The following DPF3 variants were observed in gnomAD, a reference collection of about 807,000 sequenced individuals.
DPF3 encodes double PHD fingers 3, also known as zinc finger protein DPF3.
DPF3 carries 18 observed loss-of-function variants against 56.8 expected under a neutral mutation model. The ratio of observed to expected loss-of-function variants is 0.32; its 90% CI spans 0.22 to 0.47. DPF3 has a LOEUF of 0.47. DPF3 is among the 20% of genes least tolerant of loss of function. DPF3 has a pLI of 1.00. For synonymous variants in DPF3, 188 were observed against 180.2 expected, an observed-to-expected ratio of 1.04 and a Z score of -0.35; for missense variants, 403 against 488.8, an observed-to-expected ratio of 0.82 and a Z score of 1.65.
intron 1 of DPF3, among the ~76,000 whole-genome samples, chr14:72,789,183 A>C (rs1055538450): frequency 2.6e-5 from 4 of 152,244 alleles, no homozygotes; most frequent in African/African-American, 9.6e-5. Context: ...CCTGAGCAAC[A>C]GTAACAACAT....
chr14:72,884,971 T>TATATATATATATATATACATATA (rs10523148), intron 1 of DPF3, among the ~76,000 whole-genome samples: 1 of 111,680 alleles, frequency 9.0e-6, no homozygotes, highest in Admixed American at 9.8e-5. Flanking sequence ...TATATATATA[T>TATATATATATATATATACATATA]TAGCCGGGCG....
intron 1 of DPF3, among the ~76,000 whole-genome samples, chr14:72,863,869 G>C (rs141398944): frequency 5.9e-5 from 9 of 152,256 alleles, no homozygotes; most frequent in African/African-American, 2.2e-4. Flanking sequence ...AAGAAGTCTC[G>C]GGCCTTGAAG....
intron 6 of DPF3, 44 bp from the exon 7 acceptor site, chr14:72,693,257 C>A (rs1225721895): frequency 6.3e-7 from 1 of 1,597,110 alleles, no homozygotes; most frequent in East Asian, 2.3e-5. Flanking sequence ...CAAATATTAG[C>A]AACCTGTGCA....
At position 72,612,810 on chromosome 14, in the gene DPF3, C is replaced by T. The variant is rs765354853; in HGVS notation, c.*6487G>A. On this transcript the variant is annotated 3_prime_UTR_variant, in exon 11 of 11. Coordinates refer to ENST00000556509, the MANE Select transcript of DPF3 (RefSeq NM_001280542.3). Reference sequence around the variant, plus strand: ...GAAGGGAAGAGAAGGAGAGAGGTCGCGGAGCCAGTAGCTTTCCAAGCACAA... The same window carrying T: ...GAAGGGAAGAGAAGGAGAGAGGTCGTGGAGCCAGTAGCTTTCCAAGCACAA... Among the ~76,000 whole-genome samples the T allele has an allele frequency of 1.3e-4, 20 of 152,334 alleles. No individual in the cohort carries two copies. The highest frequency in any genetic ancestry group is 4.3e-4 in the African/African-American group (18 of 41,560).
intron 1 of DPF3, among the ~76,000 whole-genome samples, chr14:72,817,821 A>G (rs2140028964): frequency 6.6e-6 from 1 of 152,360 alleles, no homozygotes; most frequent in African/African-American, 2.4e-5. Flanking sequence ...AAAATGAATA[A>G]TAGTTAACAT....
intron 6 of DPF3, among the ~76,000 whole-genome samples, chr14:72,694,225 A>T (rs1887817064): frequency 6.6e-6 from 1 of 152,206 alleles, no homozygotes; most frequent in South Asian, 2.1e-4. Context: ...CATTGCTGGT[A>T]GCAGAAACCT....
rs1312527088 is a variant in DPF3, at chr14:72,753,858, TCTCCCACCCA to T, written c.194-497_194-488del. 4.0e-5 allele frequency among the ~76,000 whole-genome samples: 6 copies of T among 151,868 alleles called. No individual in the cohort carries two copies. In the East Asian group the frequency reaches 1.2e-3, roughly 29 times the overall value. Reference sequence around the variant, plus strand: ...AAAACACTAGATCTACTCAAAGGCGTCTCCCACCCACTCCCAGCTGCTGGCAGCTCACTGT... The same window carrying T: ...AAAACACTAGATCTACTCAAAGGCGTCTCCCAGCTGCTGGCAGCTCACTGT... On this transcript the variant is annotated intron_variant, in intron 2 of 10. Transcript: ENST00000556509.
chr14:72,862,724 T>G (rs941838144), intron 1 of DPF3, among the ~76,000 whole-genome samples: 6 of 152,154 alleles, frequency 3.9e-5, no homozygotes, highest in Admixed American at 3.3e-4. Flanking sequence ...CCTCTTCTCC[T>G]GGATGACCCT....
chr14:72,819,368 A>G (rs77943429), intron 1 of DPF3, among the ~76,000 whole-genome samples: 14,237 of 152,270 alleles, frequency 0.093, 821 homozygotes, highest in Admixed American at 0.18. Context: ...GAAATGGGGG[A>G]AAATGGTATG....
chr14:72,699,385 A>G (rs1213221910), intron 6 of DPF3, among the ~76,000 whole-genome samples: 1 of 151,724 alleles, frequency 6.6e-6, no homozygotes, highest in Non-Finnish European at 1.5e-5. Flanking sequence ...AGCCAGGTGT[A>G]GTGGCATGCT....
chr14:72,834,494 CAAAA>C (rs375709642), intron 1 of DPF3, among the ~76,000 whole-genome samples: 3 of 91,432 alleles, frequency 3.3e-5, no homozygotes, highest in African/African-American at 9.1e-5. Flanking sequence ...GAGACTGTCT[CAAAA>C]AAAAAAAAAA....
chr14:72,837,567 A>ATTTG (rs1884351918), intron 1 of DPF3, among the ~76,000 whole-genome samples: 1 of 151,650 alleles, frequency 6.6e-6, no homozygotes, highest in Non-Finnish European at 1.5e-5. Flanking sequence ...GTGAAACCCC[A>ATTTG]TCTCTACTAA....
intron 2 of DPF3, among the ~76,000 whole-genome samples, chr14:72,768,762 A>T (rs1891390642): frequency 6.6e-6 from 1 of 152,252 alleles, no homozygotes; most frequent in South Asian, 2.1e-4. Flanking sequence ...GCACAATCAC[A>T]CAGAGGAACT....
chr14:72,799,477 T>C (rs977873539), intron 1 of DPF3, among the ~76,000 whole-genome samples: 1 of 152,142 alleles, frequency 6.6e-6, no homozygotes, highest in East Asian at 1.9e-4. Flanking sequence ...CCAGCCTGGG[T>C]AACATAGTGA....
At chr14:72,858,308 C>CAAAA (rs34498163) in intron 1 of DPF3, among the ~76,000 whole-genome samples, 23 of 119,820 alleles carry the variant, frequency 1.9e-4, no homozygotes, top group African/African-American at 4.9e-4. Context: ...GACTCTATCT[C>CAAAA]AAAAAAAAAA....
chr14:72,859,473 C>A (rs1264504469), intron 1 of DPF3, among the ~76,000 whole-genome samples: 9 of 93,926 alleles, frequency 9.6e-5, no homozygotes, highest in Admixed American at 2.9e-4. Context: ...GCTTCCTCCC[C>A]CCCCCCCCCC....
At chr14:72,841,062 C>T (rs140427188) in intron 1 of DPF3, among the ~76,000 whole-genome samples, 68 of 152,260 alleles carry the variant, frequency 4.5e-4, no homozygotes, top group Middle Eastern at 3.4e-3. Flanking sequence ...CTGCCTTAGG[C>T]GGCAGGATTT....
chr14:72,657,848 C>A (rs1288835017), intron 8 of DPF3, among the ~76,000 whole-genome samples: 1 of 152,170 alleles, frequency 6.6e-6, no homozygotes, highest in African/African-American at 2.4e-5. Flanking sequence ...CTTACAAAGC[C>A]TTAAATATTT....
chr14:72,755,870 TC>T (rs913413966), intron 2 of DPF3, among the ~76,000 whole-genome samples: 1 of 152,176 alleles, frequency 6.6e-6, no homozygotes, highest in African/African-American at 2.4e-5. Context: ...GCACCAGGGT[TC>T]CTTTATAGGA....
Sources: gnomAD v4.1 joint callset for allele counts (sites outside exome capture counted in the v4.1 genomes callset) on GRCh38, gnomAD v4.1.1 for gene constraint, MANE v1.5 for transcripts, NCBI Gene and HGNC (gene_info 2026-07-23, HGNC 2026-07-21) for gene names.